Variants in TXNRD1 observed in about 807,000 individuals in gnomAD.
TXNRD1 encodes the protein thioredoxin reductase 1, also known as thioredoxin reductase 1, cytoplasmic.
In TXNRD1, 57 loss-of-function variants were observed where a neutral mutation model predicts 80.3. The ratio of observed to expected loss-of-function variants is 0.71; its 90% CI spans 0.57 to 0.89. TXNRD1 has a LOEUF of 0.89. Ranked by LOEUF, TXNRD1 falls within the 40% of genes least tolerant of loss-of-function variation. The pLI, the probability that TXNRD1 is intolerant of heterozygous loss-of-function variation, is 0.00. For missense variants in TXNRD1, 730 were observed against 803.0 expected, an observed-to-expected ratio of 0.91 and a Z score of 1.10; for synonymous variants, 291 against 285.2, an observed-to-expected ratio of 1.02 and a Z score of -0.20.
At chr12:104,264,731 C>T (rs2033438451) in intron 3 of TXNRD1, among the ~76,000 whole-genome samples, 1 of 152,122 alleles carries the variant, frequency 6.6e-6, no homozygotes, top group Admixed American at 6.5e-5. Flanking sequence ...TATATTTGGA[C>T]AGTCTATTGC....
chr12:104,283,176 A>G (rs1249563073), intron 3 of TXNRD1, among the ~76,000 whole-genome samples: 2 of 152,192 alleles, frequency 1.3e-5, no homozygotes, highest in African/African-American at 2.4e-5. Context: ...GGACTTCACT[A>G]TTCTCCACAT....
At chr12:104,347,039 G>A (rs984114983) in intron 16 of TXNRD1, among the ~76,000 whole-genome samples, 8 of 152,182 alleles carry the variant, frequency 5.3e-5, no homozygotes, top group Admixed American at 1.3e-4. Flanking sequence ...AGGTTGCAGT[G>A]AGCCAAGATT....
At chr12:104,297,445 A>C (rs1269737196) in intron 4 of TXNRD1, among the ~76,000 whole-genome samples, 1 of 151,972 alleles carries the variant, frequency 6.6e-6, no homozygotes, top group Non-Finnish European at 1.5e-5. Context: ...AGTTCACTGC[A>C]ATCTCCGCCT....
chr12:104,220,599 C>T (rs1262471452), intron 1 of TXNRD1, among the ~76,000 whole-genome samples: 1 of 151,926 alleles, frequency 6.6e-6, no homozygotes, highest in East Asian at 1.9e-4. Context: ...GTAGCACACA[C>T]CTGTAATCCC....
At chr12:104,266,867 C>T (rs2033501093) in intron 3 of TXNRD1, among the ~76,000 whole-genome samples, 1 of 151,976 alleles carries the variant, frequency 6.6e-6, no homozygotes, top group South Asian at 2.1e-4. Context: ...GAGGTTGAGG[C>T]AGGAGAATGG....
At chr12:104,290,445 A>T (rs1477755988) in intron 4 of TXNRD1, among the ~76,000 whole-genome samples, 1 of 151,828 alleles carries the variant, frequency 6.6e-6, no homozygotes, top group African/African-American at 2.4e-5. Context: ...TAATCCCAGC[A>T]CCTTGGGAGG....
intron 4 of TXNRD1, chr12:104,291,150 G>A (rs1296683360): frequency 4.7e-6 from 2 of 421,816 alleles, no homozygotes; most frequent in South Asian, 2.1e-5. Flanking sequence ...ACACTTAAAA[G>A]AAATCATTTA....
intron 1 of TXNRD1, among the ~76,000 whole-genome samples, chr12:104,235,525 T>A (rs866698035): frequency 1.3e-5 from 2 of 152,302 alleles, no homozygotes; most frequent in African/African-American, 2.4e-5. Flanking sequence ...GTAAAAAGGT[T>A]TACCAGTCGG....
chr12:104,256,776 C>CAA (rs71069738), intron 2 of TXNRD1, among the ~76,000 whole-genome samples: 22,833 of 118,388 alleles, frequency 0.19, 2,544 homozygotes, highest in East Asian at 0.54. Flanking sequence ...GACTCTGTCT[C>CAA]AAAAAAAAAA....
intron 2 of TXNRD1, among the ~76,000 whole-genome samples, chr12:104,253,027 T>C (rs1292099844): frequency 6.6e-6 from 1 of 152,024 alleles, no homozygotes; most frequent in Non-Finnish European, 1.5e-5. Flanking sequence ...TTTAATTTTC[T>C]CTCAACTTGT....
chr12:104,317,478 A>G (rs1036129467), intron 7 of TXNRD1, among the ~76,000 whole-genome samples: 86 of 150,104 alleles, frequency 5.7e-4, no homozygotes, highest in African/African-American at 2.1e-3. Flanking sequence ...CTTAGAGGCT[A>G]TAAATCAATT....
intron 1 of TXNRD1, among the ~76,000 whole-genome samples, chr12:104,226,364 G>T (rs962737354): frequency 6.6e-6 from 1 of 152,132 alleles, no homozygotes; most frequent in Non-Finnish European, 1.5e-5. Flanking sequence ...TGCCTATGAA[G>T]CACTGTAGAA....
Position 104,240,510 on chromosome 12 carries a change from T to C in TXNRD1, c.92-11017T>C, listed in dbSNP as rs145689469. Among the ~76,000 whole-genome samples the C allele has an allele frequency of 1.3e-3, 196 of 152,350 alleles. 1 individual carries two copies. The highest frequency in any genetic ancestry group is 4.4e-3 in the African/African-American group (181 of 41,580). On this transcript the variant is annotated intron_variant, in intron 1 of 16. Transcript: ENST00000525566. ...AAAGAACATATTTTCTGTATATATG[T>C]ATAAAGCATATTTAGTGAAATTGTG...
intron 6 of TXNRD1, 76 bp from the exon 7 acceptor site, chr12:104,315,701 A>G: frequency 2.0e-6 from 3 of 1,483,620 alleles, no homozygotes; most frequent in South Asian, 2.5e-5. Context: ...AGTTGTAATA[A>G]TTGTTGACTT....
chr12:104,304,001 G>T lies in TXNRD1; in HGVS notation c.415-7289G>T, dbSNP rs192415725. 8.9e-5 allele frequency: 144 copies of T among 1,610,472 alleles called. 1 individual carries two copies. In the African/African-American group the frequency reaches 1.6e-3, roughly 18 times the overall value. ...CGACCTCAGCTCTGGGGAGGCCGAC[G>T]TAGACCCAAAGCTCCTGGAGCTCAC... On this transcript the variant is annotated intron_variant, in intron 4 of 16. Transcript: ENST00000525566.
intron 1 of TXNRD1, chr12:104,224,732 T>C (rs1018257948): frequency 2.3e-6 from 1 of 430,078 alleles, no homozygotes; most frequent in African/African-American, 2.0e-5. Flanking sequence ...TCATGGCACA[T>C]AGTAGATGCT....
intron 4 of TXNRD1, among the ~76,000 whole-genome samples, chr12:104,293,865 G>A (rs1293680310): frequency 1.3e-5 from 2 of 152,192 alleles, no homozygotes; most frequent in Admixed American, 6.5e-5. Context: ...AAGGGGCAGG[G>A]TAAAGAATGT....
At position 104,303,634 on chromosome 12, in the gene TXNRD1, C is replaced by T. The variant is rs559293640; in HGVS notation, c.415-7656C>T. On this transcript the variant is annotated intron_variant, in intron 4 of 16. Transcript: ENST00000525566. ...CGCGTGTTGGGAGCGCCGCGCTGGT[C>T]TATGAGCGAGCGCCTCGGCTTGTGG... 2.0e-3 allele frequency: 785 copies of T among 392,608 alleles called. 1 individual carries two copies. Among genetic ancestry groups the T allele is most frequent in the Non-Finnish European group, 3.1e-3 (683 of 220,242 alleles). 24.3% of individuals were successfully genotyped at this position (392,608 alleles called of 1,614,324 possible).
At position 104,342,883 on chromosome 12, in the gene TXNRD1, C is replaced by T. The variant is rs564098598; in HGVS notation, c.1881+3610C>T. Among the ~76,000 whole-genome samples, 34 of 152,160 alleles carry T rather than the reference C, an allele frequency of 2.2e-4. 1 individual carries two copies. The South Asian group carries it at 6.8e-3, about 31-fold the overall frequency. ...TGAAGTGGCAGATCCAGTTATGTGG[C>T]TGGTGAGGTGCATGAGAGGAGATGA... On this transcript the variant is annotated intron_variant, in intron 16 of 16. Coordinates refer to ENST00000525566, the MANE Select transcript of TXNRD1 (RefSeq NM_001093771.3).
Sources: gnomAD v4.1 joint callset for allele counts (sites outside exome capture counted in the v4.1 genomes callset) on GRCh38, gnomAD v4.1.1 for gene constraint, MANE v1.5 for transcripts, NCBI Gene and HGNC (gene_info 2026-07-23, HGNC 2026-07-21) for gene names.